KLF17: variants seen among roughly 807,000 people sequenced by gnomAD.
KLF17 encodes the protein Krueppel-like factor 17.
A neutral mutation model predicts 34.2 loss-of-function variants in KLF17; 31 were observed. That is an observed-to-expected ratio of 0.91 (90% CI 0.68 to 1.22). The LOEUF is 1.22. Ranked by LOEUF, KLF17 falls within the 50% of genes most tolerant of loss-of-function variation. The pLI is 0.00. For synonymous variants in KLF17, 179 were observed against 186.7 expected, an observed-to-expected ratio of 0.96 and a Z score of 0.34; for missense variants, 478 against 505.2, an observed-to-expected ratio of 0.95 and a Z score of 0.52.
chr1:44,120,895 G>A (rs1372064209), intron 1 of KLF17, among the ~76,000 whole-genome samples: 1 of 152,172 alleles, frequency 6.6e-6, no homozygotes, highest in Non-Finnish European at 1.5e-5. Context: ...GAAGCAGAAG[G>A]CTCGTTTGAG....
At chr1:44,097,129 G>A in the KLF17 span, among the ~76,000 whole-genome samples, 36 of 152,258 alleles carry the variant, frequency 2.4e-4, no homozygotes, top group East Asian at 6.4e-3. Context: ...TCAGATGATT[G>A]TAGATGTGTG....
At chr1:44,074,214 C>T in the KLF17 span, among the ~76,000 whole-genome samples, 2 of 152,094 alleles carry the variant, frequency 1.3e-5, no homozygotes, top group African/African-American at 2.4e-5. Context: ...CATCATCCCC[C>T]GTACCATCCT....
the KLF17 span, among the ~76,000 whole-genome samples, chr1:44,062,959 C>T: frequency 6.6e-6 from 1 of 152,148 alleles, no homozygotes; most frequent in African/African-American, 2.4e-5. Context: ...TAGCTTTATT[C>T]ATGATAGCTT....
chr1:44,050,156 T>C, the KLF17 span, among the ~76,000 whole-genome samples: 1 of 152,232 alleles, frequency 6.6e-6, no homozygotes, highest in Non-Finnish European at 1.5e-5. Context: ...CCACCAGCAA[T>C]GTGTGAGTTC....
chr1:44,059,928 G>GGGAGCACTGTTCCTTCT, the KLF17 span, among the ~76,000 whole-genome samples: 41 of 152,036 alleles, frequency 2.7e-4, no homozygotes, highest in Non-Finnish European at 5.1e-4. Context: ...CTGGGAAGGT[G>GGGAGCACTGTTCCTTCT]GGAGCACTGT....
At chr1:44,125,487 T>G (rs2087996662) in intron 1 of KLF17, among the ~76,000 whole-genome samples, 1 of 152,200 alleles carries the variant, frequency 6.6e-6, no homozygotes, top group Non-Finnish European at 1.5e-5. Flanking sequence ...AGTTTTATTT[T>G]TTATTTTTGA....
At chr1:44,056,529 A>G in the KLF17 span, among the ~76,000 whole-genome samples, 2 of 152,154 alleles carry the variant, frequency 1.3e-5, no homozygotes, top group Non-Finnish European at 2.9e-5. Context: ...TTGAATTGGG[A>G]TGGAACCTGC....
chr1:44,103,200 C>T, the KLF17 span: 1 of 618,730 alleles, frequency 1.6e-6, no homozygotes, highest in Non-Finnish European at 2.9e-6. Flanking sequence ...TAGGGCTGAG[C>T]CTCAGGTGGG....
At chr1:44,112,383 C>T in the KLF17 span, among the ~76,000 whole-genome samples, 1 of 146,814 alleles carries the variant, frequency 6.8e-6, no homozygotes, top group Admixed American at 7.0e-5. Flanking sequence ...CCAATGTTTT[C>T]TTTTTCTTTC....
At chr1:44,052,481 TG>T in the KLF17 span, among the ~76,000 whole-genome samples, 1 of 152,224 alleles carries the variant, frequency 6.6e-6, no homozygotes, top group African/African-American at 2.4e-5. Context: ...GGTCTCCCCT[TG>T]GGCAATGCTA....
chr1:44,126,506 C>G (rs558641004), intron 1 of KLF17, among the ~76,000 whole-genome samples: 1 of 152,288 alleles, frequency 6.6e-6, no homozygotes, highest in South Asian at 2.1e-4. Context: ...CTTCATTGTT[C>G]CAAAAAACTT....
At chr1:44,129,264 G>A (rs1571992068) in intron 1 of KLF17, 89 bp from the exon 2 acceptor site, 2 of 1,410,710 alleles carry the variant, frequency 1.4e-6, no homozygotes, top group Non-Finnish European at 1.9e-6. Context: ...GGAAATAGAG[G>A]GCTGGATTAG....
chr1:44,130,389 G>T, intron 2 of KLF17, 123 bp from the exon 3 acceptor site: 1 of 1,422,090 alleles, frequency 7.0e-7, no homozygotes, highest in Non-Finnish European at 9.7e-7. Context: ...TGATTGTGTT[G>T]CCCCTCCCTG....
chr1:44,120,069 C>T (rs1486186908), intron 1 of KLF17, among the ~76,000 whole-genome samples: 1 of 152,146 alleles, frequency 6.6e-6, no homozygotes, highest in Non-Finnish European at 1.5e-5. Flanking sequence ...AGGGAGACAT[C>T]TAGAGTAACA....
At position 44,135,086 on chromosome 1, in the gene KLF17, G is replaced by A. The variant is rs1458509254; in HGVS notation, c.*1849G>A. 1 of 152,044 alleles carries A rather than the reference G, an allele frequency of 6.6e-6. No individual in the cohort carries two copies. The highest frequency in any genetic ancestry group is 2.4e-5 in the African/African-American group (1 of 41,388). The allele number at this position is 152,044 out of a possible 1,614,324, so 9.4% of individuals were successfully genotyped here. ...AAATCCTTAGGATAACTTGAGGCCA[G>A]GAGTTTGAGACCAGTGTGACCTTGT... On this transcript the variant is annotated 3_prime_UTR_variant, in exon 4 of 4. Transcript: ENST00000372299.
the KLF17 span, among the ~76,000 whole-genome samples, chr1:44,097,999 G>T: frequency 6.6e-6 from 1 of 152,054 alleles, no homozygotes; most frequent in East Asian, 1.9e-4. Flanking sequence ...TTTTGAGACA[G>T]AGTCTCACTC....
At chr1:44,114,320 C>T (rs1419887932), upstream of KLF17, 2 of 152,118 alleles carry the variant, frequency 1.3e-5, no homozygotes, top group Non-Finnish European at 2.9e-5. Flanking sequence ...GACCTTGAGT[C>T]CAGACTTCAT....
the KLF17 span, chr1:44,104,098 G>T: frequency 6.3e-6 from 6 of 950,748 alleles, no homozygotes; most frequent in South Asian, 3.9e-5. Flanking sequence ...TCATACAGCC[G>T]CCTGAGGAAG....
the KLF17 span, chr1:44,105,349 A>T: frequency 6.7e-6 from 1 of 150,008 alleles, no homozygotes; most frequent in Non-Finnish European, 1.5e-5. Context: ...AAAACTTTTT[A>T]AAATGAATGG....
Sources: allele counts gnomAD v4.1 joint callset (sites outside exome capture counted in the v4.1 genomes callset), GRCh38; gene constraint gnomAD v4.1.1; transcripts MANE v1.5; gene names NCBI Gene and HGNC (gene_info 2026-07-23, HGNC 2026-07-21).